DAPK2: variants seen among roughly 807,000 people sequenced by gnomAD.
DAPK2 encodes the protein death-associated protein kinase 2.
DAPK2 carries 35 observed loss-of-function variants against 44.1 expected under a neutral mutation model. That is an observed-to-expected ratio of 0.79 (90% confidence interval 0.61 to 1.05). The LOEUF (loss-of-function observed/expected upper bound fraction) is 1.05. Among genes scored for constraint, DAPK2 ranks in the 50% least tolerant of loss-of-function variants. The pLI is 0.00. For missense variants in DAPK2, 453 were observed against 483.2 expected, an observed-to-expected ratio of 0.94 and a Z score of 0.59; for synonymous variants, 174 against 182.6, an observed-to-expected ratio of 0.95 and a Z score of 0.38.
chr15:64,007,447 G>A (rs1567269446), intron 1 of DAPK2, among the ~76,000 whole-genome samples: 1 of 151,840 alleles, frequency 6.6e-6, no homozygotes, highest in Non-Finnish European at 1.5e-5. Context: ...TCCAGCCAGA[G>A]CTCTCCATCC....
intron 3 of DAPK2, among the ~76,000 whole-genome samples, chr15:63,955,824 T>C (rs1007993402): frequency 5.3e-5 from 8 of 152,190 alleles, no homozygotes; most frequent in Admixed American, 3.9e-4. Flanking sequence ...CACCTCAGCC[T>C]CCCAAAGTGC....
At chr15:63,913,570 C>T (rs74374583) in intron 8 of DAPK2, among the ~76,000 whole-genome samples, 3,359 of 152,258 alleles carry the variant, frequency 0.022, 127 homozygotes, top group African/African-American at 0.073. Context: ...GAATGCTAAG[C>T]GAGGGAGCCT....
Position 63,939,216 on chromosome 15 carries a change from C to G in DAPK2, c.583+16G>C. The stretch of plus-strand genomic sequence containing the variant: ...GCCAGATTCTTAGCTGAAAGACAAA[C>G]AGGCCTACAACTCACCAACAAATTC... On this transcript the variant is annotated intron_variant, in intron 4 of 10. Transcript: ENST00000261891. The surrounding 1 kb of genome is among the most constrained non-coding windows in gnomAD (Gnocchi z 4.3). 1.9e-6 allele frequency: 3 copies of G among 1,610,394 alleles called. No individual in the cohort carries two copies. Among genetic ancestry groups the G allele is most frequent in the Non-Finnish European group, 2.5e-6 (3 of 1,178,448 alleles).
chr15:63,915,449 G>T (rs2078901753), intron 8 of DAPK2, among the ~76,000 whole-genome samples: 1 of 152,244 alleles, frequency 6.6e-6, no homozygotes, highest in Admixed American at 6.5e-5. Context: ...ACCTCACAAG[G>T]AGAGTTTGCT....
intron 2 of DAPK2, among the ~76,000 whole-genome samples, chr15:63,978,004 G>A (rs1173590986): frequency 6.6e-6 from 1 of 152,040 alleles, no homozygotes; most frequent in Non-Finnish European, 1.5e-5. Flanking sequence ...CCTCACAGTG[G>A]GCTTCACTAT....
At position 64,020,221 on chromosome 15, in the gene DAPK2, C is replaced by G. The variant is rs1257836392; in HGVS notation, c.92+19949G>C. Among the ~76,000 whole-genome samples, 1 of 152,224 alleles carries G rather than the reference C, an allele frequency of 6.6e-6. No individual in the cohort carries two copies. The highest frequency in any genetic ancestry group is 1.5e-5 in the Non-Finnish European group (1 of 68,038). ...GGGGGAAAGGAAACTGAGGACTTGCCTAAGCACAGGCAGCTCCAGAGCCAA... is the reference window on the plus strand; with the variant it reads ...GGGGGAAAGGAAACTGAGGACTTGCGTAAGCACAGGCAGCTCCAGAGCCAA... On this transcript the variant is annotated intron_variant, in intron 1 of 10. Coordinates refer to ENST00000261891, the Ensembl canonical transcript of DAPK2. The surrounding 1 kb of genome is among the most constrained non-coding windows in gnomAD (Gnocchi z 4.5).
intron 1 of DAPK2, among the ~76,000 whole-genome samples, chr15:64,035,653 A>AT: frequency 6.6e-6 from 1 of 152,174 alleles, no homozygotes; most frequent in Non-Finnish European, 1.5e-5. Flanking sequence ...CCCTGCTCTG[A>AT]TATTTCCCTG....
intron 8 of DAPK2, chr15:63,922,042 C>T (rs1050283556): frequency 6.5e-6 from 1 of 152,788 alleles, no homozygotes; most frequent in African/African-American, 2.4e-5. Context: ...TCCCATATAC[C>T]TCATCTTAGA....
At position 63,980,853 on chromosome 15, in the gene DAPK2, G is replaced by T. The variant is rs1381703687; in HGVS notation, c.314+2680C>A. Among the ~76,000 whole-genome samples the T allele has an allele frequency of 6.6e-5, 10 of 152,200 alleles. No homozygotes were observed. Among genetic ancestry groups the T allele is most frequent in the Admixed American group, 3.9e-4 (6 of 15,284 alleles). ...GCCTGTAATCCCAACGCTTTGGGAG[G>T]CCAAGGCAGGCGGATCATCTAAGGT... On this transcript the variant is annotated intron_variant, in intron 2 of 10. Transcript: ENST00000261891. This position sits in a 1 kb window ranked among gnomAD's most constrained non-coding sequence, Gnocchi z 4.3.
intron 6 of DAPK2, 78 bp from the exon 8 acceptor site, chr15:63,926,171 C>T (rs2079257038): frequency 2.0e-6 from 3 of 1,499,950 alleles, no homozygotes; most frequent in East Asian, 2.3e-5. Flanking sequence ...GGGAACCCTG[C>T]CCCATGACTG....
At chr15:63,920,330 C>T (rs996292640) in intron 8 of DAPK2, 1 of 152,148 alleles carries the variant, frequency 6.6e-6, no homozygotes. Context: ...TTTTCACCCC[C>T]ATTTAGTGTC....
At chr15:63,969,061 AC>A (rs946643878) in intron 3 of DAPK2, among the ~76,000 whole-genome samples, 4 of 152,022 alleles carry the variant, frequency 2.6e-5, no homozygotes, top group Admixed American at 1.3e-4. Flanking sequence ...ATCCTTGGTG[AC>A]CCCCATTTTT....
In DAPK2 at chr15:64,016,107, C is replaced by T. The variant is rs565504288; in HGVS notation, c.92+24063G>A. ...CACGCAGCGCAGGGAGGGCTGGCTCCAGGGGACTGCAGGTCAGCATGGCCA... is the reference window on the plus strand; with the variant it reads ...CACGCAGCGCAGGGAGGGCTGGCTCTAGGGGACTGCAGGTCAGCATGGCCA... On this transcript the variant is annotated intron_variant, in intron 1 of 10. Transcript: ENST00000261891. Among the ~76,000 whole-genome samples the T allele has an allele frequency of 2.0e-5, 3 of 152,334 alleles. No homozygotes were observed. In the South Asian group the frequency reaches 6.2e-4, roughly 32 times the overall value.
chr15:64,041,773 T>C (rs555355756), upstream of DAPK2, among the ~76,000 whole-genome samples: 1 of 152,276 alleles, frequency 6.6e-6, no homozygotes, highest in African/African-American at 2.4e-5. Context: ...TCAGCGGGTG[T>C]ATACATTTCA....
rs2079641673 is a variant in DAPK2 at position 64,020,048 on chromosome 15, C to T, written c.92+20122G>A. 6.6e-6 allele frequency among the ~76,000 whole-genome samples: 1 copy of T among 152,182 alleles called. No homozygotes were observed. Among genetic ancestry groups the T allele is most frequent in the East Asian group, 1.9e-4 (1 of 5,194 alleles). On this transcript the variant is annotated intron_variant, in intron 1 of 10. Transcript: ENST00000261891. The surrounding 1 kb of genome is among the most constrained non-coding windows in gnomAD (Gnocchi z 4.5). ...CAGCAGAAGCAGTCTCAGTGGCACC[C>T]GCAGGCTTTACTGTGCCATAAGCCA...
chr15:63,926,080 A>T (rs1299691764), exon 7 of DAPK2: 1 of 1,610,584 alleles, frequency 6.2e-7, no homozygotes, highest in East Asian at 2.2e-5. Flanking sequence ...AGGAAAGGGG[A>T]TGCTCCACTT....
chr15:63,982,208 T>TC (rs398027624), intron 2 of DAPK2, among the ~76,000 whole-genome samples: 6 of 150,228 alleles, frequency 4.0e-5, no homozygotes, highest in South Asian at 2.1e-4. Flanking sequence ...TTTTTTTTTT[T>TC]CCGAGATGGA....
rs149552877 is a variant in DAPK2 at position 63,927,220 on chromosome 15, C to A, written c.660-1127G>T. ...GCCATTATTATTGTCATTGTGAGAA[C>A]ACAAAAGCCCTCTATGACTTCCCAT... On this transcript the variant is annotated intron_variant, in intron 6 of 10. Transcript: ENST00000261891. Among the ~76,000 whole-genome samples the A allele has an allele frequency of 1.8e-4, 27 of 152,260 alleles. No individual in the cohort carries two copies. The East Asian group carries it at 5.2e-3, about 29-fold the overall frequency.
intron 1 of DAPK2, among the ~76,000 whole-genome samples, chr15:64,008,635 T>C (rs2079303241): frequency 6.6e-6 from 1 of 152,216 alleles, no homozygotes; most frequent in South Asian, 2.1e-4. Flanking sequence ...ATGAACATCA[T>C]AAGGGACATG....
Sources: gnomAD v4.1 joint callset for allele counts (sites outside exome capture counted in the v4.1 genomes callset) on GRCh38, gnomAD v4.1.1 for gene constraint, Gnocchi (gnomAD v3.1) non-coding constraint, MANE v1.5 for transcripts, NCBI Gene and HGNC (gene_info 2026-07-23, HGNC 2026-07-21) for gene names.